VPS54: variants seen among roughly 807,000 people sequenced by gnomAD.
VPS54 encodes the protein VPS54 subunit of GARP complex, also known as vacuolar protein sorting-associated protein 54.
Under a neutral mutation model 121.5 loss-of-function variants are expected in VPS54, and 45 were observed. That is an observed-to-expected ratio of 0.37 (90% CI 0.29 to 0.47). VPS54 has a LOEUF of 0.47. Ranked by LOEUF, VPS54 falls within the 20% of genes least tolerant of loss-of-function variation. The pLI, the probability that VPS54 is intolerant of heterozygous loss-of-function variation, is 0.99. For synonymous variants in VPS54, 371 were observed against 385.8 expected, an observed-to-expected ratio of 0.96 and a Z score of 0.45; for missense variants, 1,090 against 1,131.4, an observed-to-expected ratio of 0.96 and a Z score of 0.52.
At position 63,893,384 on chromosome 2, in the gene VPS54, AAC is replaced by A; in HGVS notation, c.*44_*45del. The A allele has an allele frequency of 6.6e-7, 1 of 1,517,146 alleles. No individual in the cohort carries two copies. The highest frequency in any genetic ancestry group is 9.2e-7 in the Non-Finnish European group (1 of 1,091,912). The allele number at this position is 1,517,146 out of a possible 1,614,324, so 94.0% of individuals were successfully genotyped here. A position where few individuals can be genotyped will look rare whatever the true frequency, so the allele number is the denominator to read the frequency against. On this transcript the variant is annotated 3_prime_UTR_variant, in exon 23 of 23. Coordinates refer to ENST00000272322, the MANE Select transcript of VPS54 (RefSeq NM_016516.3). Reference sequence around the variant, plus strand: ...AGGCATCCAGATTTTCTTCATAACAAACACATCCCATGGTCAGATGAACTACC... The same window carrying A: ...AGGCATCCAGATTTTCTTCATAACAAACATCCCATGGTCAGATGAACTACC...
In VPS54 at chr2:63,986,287, T is replaced by C. The variant is rs565184190; in HGVS notation, c.-20-2268A>G. On this transcript the variant is annotated intron_variant, in intron 1 of 22. Coordinates refer to ENST00000272322, the MANE Select transcript of VPS54 (RefSeq NM_016516.3). ...CCTCCAGGCCCCCTTCCCCCACACT[T>C]ATCCTTCCAGGCCTCTGGTAACCAT... Among the ~76,000 whole-genome samples the C allele has an allele frequency of 3.3e-5, 5 of 152,218 alleles. No individual in the cohort carries two copies. The South Asian group carries it at 1.0e-3, about 32-fold the overall frequency.
chr2:64,010,700 C>T (rs563325217), intron 1 of VPS54, among the ~76,000 whole-genome samples: 1 of 151,782 alleles, frequency 6.6e-6, no homozygotes, highest in Non-Finnish European at 1.5e-5. Context: ...CTAGTTTAAT[C>T]ATAATTTTTA....
At chr2:63,910,340 C>T (rs1375945600) in intron 20 of VPS54, among the ~76,000 whole-genome samples, 12 of 152,126 alleles carry the variant, frequency 7.9e-5, no homozygotes, top group Non-Finnish European at 1.5e-4. Context: ...TATTCTTCAA[C>T]GGGTCAATGA....
rs201606303 is a variant in VPS54, at chr2:63,933,723, G to A, written c.1689C>T (p.Ser563=). The change falls in exon 12 of 23, where the codon TCC becomes TCT. Residue 563 remains serine (S), a synonymous_variant. Transcript: ENST00000272322. ...SEPECTTDSS[S]SKEHTSSSAI... Reference sequence around the variant, plus strand: ...CAGATGATGATGTGTGCTCTTTGCTGGATGAAGAATCAGTAGTACATTCTG... The same window carrying A: ...CAGATGATGATGTGTGCTCTTTGCTAGATGAAGAATCAGTAGTACATTCTG... The A allele has an allele frequency of 6.2e-7, 1 of 1,613,716 alleles. No homozygotes were observed. The highest frequency in any genetic ancestry group is 1.3e-5 in the African/African-American group (1 of 75,020).
At chr2:64,013,093 T>C (rs1576025529) in intron 1 of VPS54, among the ~76,000 whole-genome samples, 1 of 152,354 alleles carries the variant, frequency 6.6e-6, no homozygotes, top group Middle Eastern at 3.4e-3. Flanking sequence ...TTTACATGGC[T>C]ATTAAGTATC....
chr2:64,001,104 C>T (rs1677852593), intron 1 of VPS54, among the ~76,000 whole-genome samples: 1 of 152,204 alleles, frequency 6.6e-6, no homozygotes, highest in South Asian at 2.1e-4. Context: ...ACGGTCATTC[C>T]CACTTCTCTC....
At chr2:63,911,723 G>A (rs569999082) in intron 20 of VPS54, among the ~76,000 whole-genome samples, 1 of 152,290 alleles carries the variant, frequency 6.6e-6, no homozygotes, top group Admixed American at 6.5e-5. Flanking sequence ...TGCTATTAAG[G>A]TTATTCCAAA....
At chr2:63,955,128 G>C (rs1312375352) in intron 7 of VPS54, among the ~76,000 whole-genome samples, 1 of 151,654 alleles carries the variant, frequency 6.6e-6, no homozygotes, top group African/African-American at 2.4e-5. Flanking sequence ...AAATGTTCAG[G>C]GTTTGTTACA....
chr2:63,949,263 G>T, intron 7 of VPS54, 100 bp from the exon 8 acceptor site: 1 of 1,186,384 alleles, frequency 8.4e-7, no homozygotes, highest in Non-Finnish European at 1.2e-6. Context: ...TCAGTTGACA[G>T]TACCTGTGCA....
At chr2:63,908,274 T>G (rs1414196162) in intron 20 of VPS54, among the ~76,000 whole-genome samples, 1 of 152,094 alleles carries the variant, frequency 6.6e-6, no homozygotes, top group Non-Finnish European at 1.5e-5. Context: ...GTAACATCCA[T>G]GAACTCCAAA....
At chr2:63,941,418 G>A (rs969577475) in intron 11 of VPS54, among the ~76,000 whole-genome samples, 3 of 151,982 alleles carry the variant, frequency 2.0e-5, no homozygotes, top group African/African-American at 7.3e-5. Context: ...GTAGAGATGA[G>A]GTCTCATTAT....
chr2:64,012,477 GTCCC>G (rs1678474994), intron 1 of VPS54, among the ~76,000 whole-genome samples: 1 of 99,052 alleles, frequency 1.0e-5, no homozygotes, highest in Non-Finnish European at 2.1e-5. Context: ...AAAAAAAAAA[GTCCC>G]CAGATGTAGT....
intron 1 of VPS54, among the ~76,000 whole-genome samples, chr2:64,013,571 A>C (rs184914030): frequency 2.0e-5 from 3 of 146,952 alleles, no homozygotes; most frequent in Non-Finnish European, 4.5e-5. Flanking sequence ...TATATATATC[A>C]GCATTTATAT....
intron 11 of VPS54, among the ~76,000 whole-genome samples, chr2:63,937,457 C>A (rs146336180): frequency 6.6e-6 from 1 of 152,224 alleles, no homozygotes; most frequent in East Asian, 1.9e-4. Flanking sequence ...CACCTCATAC[C>A]CATTAGGATG....
intron 1 of VPS54, among the ~76,000 whole-genome samples, chr2:63,995,980 TGGGG>T (rs1677565843): frequency 5.3e-5 from 8 of 152,226 alleles, no homozygotes; most frequent in African/African-American, 1.7e-4. Context: ...TTAAGTCTAT[TGGGG>T]GCTCCACTGT....
chr2:63,985,220 G>C (rs149568372), intron 1 of VPS54, among the ~76,000 whole-genome samples: 2 of 152,110 alleles, frequency 1.3e-5, no homozygotes, highest in African/African-American at 2.4e-5. Flanking sequence ...TCAGAAGGCT[G>C]AGGTGAGAGG....
chr2:63,934,105 T>C (rs1674344405), intron 11 of VPS54, 92 bp from the exon 12 acceptor site: 1 of 1,124,648 alleles, frequency 8.9e-7, no homozygotes, highest in South Asian at 1.6e-5. Flanking sequence ...ATTTTGGACA[T>C]CTATAATCAT....
Position 63,968,987 on chromosome 2 carries a change from T to C in VPS54, c.462A>G (p.Lys154=). The stretch of plus-strand genomic sequence containing the variant: ...GTACTTGCTCCAGATCTGTCCTGGA[T>C]TTATCTATTTAAAAAAGAAGGGAAA... ...FERTLLHTHD[K]SRTDLEQVPK... Residue 154 remains lysine, a synonymous_variant, in exon 5 of 23, where the codon AAA becomes AAG. Transcript: ENST00000272322. 1 of 1,599,908 alleles carries C rather than the reference T, an allele frequency of 6.3e-7. No homozygotes were observed. The highest frequency in any genetic ancestry group is 8.5e-7 in the Non-Finnish European group (1 of 1,173,618).
intron 5 of VPS54, 111 bp downstream of exon 5, chr2:63,968,846 C>T: frequency 1.2e-6 from 1 of 850,798 alleles, no homozygotes; most frequent in Non-Finnish European, 1.9e-6. Flanking sequence ...CCACAAGAGA[C>T]AAAGTAGCCA....
Sources: gnomAD v4.1 joint callset for allele counts (sites outside exome capture counted in the v4.1 genomes callset) on GRCh38, gnomAD v4.1.1 for gene constraint, MANE v1.5 for transcripts, NCBI Gene and HGNC (gene_info 2026-07-23, HGNC 2026-07-21) for gene names.